The following PLCH1 variants were observed in gnomAD, a reference collection of about 807,000 sequenced individuals.
The protein encoded by PLCH1 is 1-phosphatidylinositol 4,5-bisphosphate phosphodiesterase eta-1.
Under a neutral mutation model 126.7 loss-of-function variants are expected in PLCH1, and 60 were observed. The observed-to-expected ratio is 0.47, with a 90% CI of 0.38 to 0.59. The LOEUF (loss-of-function observed/expected upper bound fraction) is 0.59. Ranked by LOEUF, PLCH1 falls within the 20% of genes least tolerant of loss-of-function variation. The probability of loss-of-function intolerance (pLI) is 0.00; values close to 1 mark genes in which losing one functional copy is unlikely to be tolerated. For missense variants in PLCH1, 1,723 were observed against 2,040.0 expected (o/e 0.84, Z 2.99); for synonymous variants, 719 against 734.9 (o/e 0.98, Z 0.35).
chr3:155,593,107 C>T (rs1434845173), intron 4 of PLCH1, among the ~76,000 whole-genome samples: 1 of 152,056 alleles, frequency 6.6e-6, no homozygotes, highest in African/African-American at 2.4e-5. Context: ...CTAATGACGG[C>T]AAGGGAGTAG....
At chr3:155,519,683 T>G (rs554512788) in intron 11 of PLCH1, among the ~76,000 whole-genome samples, 2 of 149,498 alleles carry the variant, frequency 1.3e-5, no homozygotes, top group East Asian at 4.0e-4. Flanking sequence ...ACCCAGACAC[T>G]GCGGTTTTTG....
In PLCH1 at chr3:155,637,320, C is replaced by T. The variant is rs560361965; in HGVS notation, c.80-40942G>A. Among the ~76,000 whole-genome samples, 9 of 152,344 alleles carry T rather than the reference C, an allele frequency of 5.9e-5. No individual in the cohort carries two copies. The East Asian group carries it at 1.5e-3, about 26-fold the overall frequency. On this transcript the variant is annotated intron_variant, in intron 2 of 22. Coordinates refer to ENST00000460012, the MANE Select transcript of PLCH1 (RefSeq NM_014996.4). ...GTGCCAGAAGAGGCTAAACCCTTAA[C>T]TTTGGCCAGCCCCTGGGCACAACAT...
At chr3:155,606,118 C>T (rs1214185038) in intron 2 of PLCH1, among the ~76,000 whole-genome samples, 3 of 152,098 alleles carry the variant, frequency 2.0e-5, no homozygotes, top group East Asian at 3.9e-4. Context: ...CAAAGCTATA[C>T]GTATATTCAA....
rs190182427 is a variant in PLCH1, at chr3:155,501,784, A to C, written c.1705-990T>G. ...TACTCCAGCCTGGACAACAAGAGCAAAACTCCATCTCTAAATAAATAAATA... is the reference window on the plus strand; with the variant it reads ...TACTCCAGCCTGGACAACAAGAGCACAACTCCATCTCTAAATAAATAAATA... On this transcript the variant is annotated intron_variant, in intron 13 of 22. Coordinates refer to ENST00000460012, the MANE Select transcript of PLCH1 (RefSeq NM_014996.4). Among the ~76,000 whole-genome samples, 250 of 152,258 alleles carry C rather than the reference A, an allele frequency of 1.6e-3. 1 individual carries two copies. Among genetic ancestry groups the C allele is most frequent in the African/African-American group, 5.4e-3 (223 of 41,556 alleles).
downstream of PLCH1, among the ~76,000 whole-genome samples, chr3:155,478,543 C>G (rs1225358137): frequency 6.6e-6 from 1 of 151,864 alleles, no homozygotes; most frequent in East Asian, 1.9e-4. Context: ...CTACTGTGTA[C>G]CCACACAAAT....
intron 2 of PLCH1, among the ~76,000 whole-genome samples, chr3:155,631,659 CAGAACA>C (rs377363710): frequency 1.3e-5 from 2 of 152,324 alleles, no homozygotes; most frequent in African/African-American, 4.8e-5. Flanking sequence ...TTTCCTCCCA[CAGAACA>C]AGAACAATTC....
intron 2 of PLCH1, among the ~76,000 whole-genome samples, chr3:155,617,080 T>C (rs3908144): frequency 0.49 from 73,748 of 151,896 alleles, 20,284 homozygotes; most frequent in African/African-American, 0.74. Context: ...AATATAGTTT[T>C]CAAAATTGTA....
At position 155,723,412 on chromosome 3, in the gene PLCH1, G is replaced by GTTTTT. The variant is rs368443260; in HGVS notation, c.-40-19149_-40-19148insAAAAA. ...TTTTTATTGTTTTTTGTTTTGTTTT[G>GTTTTT]TTCTGTTTCCATTTCATTTCCTTCT... On this transcript the variant is annotated intron_variant, in intron 1 of 22. Transcript: ENST00000460012. Among the ~76,000 whole-genome samples, 173 of 151,542 alleles carry GTTTTT rather than the reference G, an allele frequency of 1.1e-3. 2 individuals carry two copies. The highest frequency in any genetic ancestry group is 3.4e-3 in the Middle Eastern group (1 of 294).
chr3:155,733,039 C>T (rs2109184558), intron 1 of PLCH1, among the ~76,000 whole-genome samples: 2 of 151,920 alleles, frequency 1.3e-5, no homozygotes, highest in Non-Finnish European at 2.9e-5. Context: ...CTGAAAACCA[C>T]AAAACACTGA....
intron 21 of PLCH1, among the ~76,000 whole-genome samples, chr3:155,473,773 A>G (rs1370170847): frequency 1.3e-5 from 2 of 151,306 alleles, no homozygotes; most frequent in Admixed American, 6.6e-5. Flanking sequence ...ATAACACCAC[A>G]TATCTACAAC....
intron 2 of PLCH1, among the ~76,000 whole-genome samples, chr3:155,660,080 C>T (rs542192506): frequency 6.6e-6 from 1 of 152,256 alleles, no homozygotes; most frequent in East Asian, 1.9e-4. Context: ...AGTGGGGGAG[C>T]CAGATGTCTT....
At chr3:155,471,222 A>G (rs1393385016) in intron 21 of PLCH1, among the ~76,000 whole-genome samples, 2 of 152,200 alleles carry the variant, frequency 1.3e-5, no homozygotes, top group African/African-American at 4.8e-5. Flanking sequence ...AAATAAAAGG[A>G]TGGAGGAAGA....
chr3:155,594,276 A>G (rs1732617168), intron 3 of PLCH1, 92 bp from the exon 4 acceptor site: 1 of 1,232,416 alleles, frequency 8.1e-7, no homozygotes, highest in Non-Finnish European at 1.1e-6. Flanking sequence ...ATCATTTTAA[A>G]TATTAAAAAT....
At chr3:155,668,085 A>T (rs1267516506) in intron 2 of PLCH1, among the ~76,000 whole-genome samples, 2 of 114,892 alleles carry the variant, frequency 1.7e-5, no homozygotes, top group Non-Finnish European at 3.7e-5. Flanking sequence ...ACTCCATCTC[A>T]AAAAAAAAAA....
At chr3:155,572,440 G>C (rs1160141631) in intron 6 of PLCH1, among the ~76,000 whole-genome samples, 2 of 152,084 alleles carry the variant, frequency 1.3e-5, no homozygotes, top group Non-Finnish European at 1.5e-5. Context: ...GTTTAGTTTA[G>C]TTTTCTCTTT....
chr3:155,732,140 G>A (rs1748822551), intron 1 of PLCH1, among the ~76,000 whole-genome samples: 1 of 151,654 alleles, frequency 6.6e-6, no homozygotes, highest in Admixed American at 6.6e-5. Context: ...CAAACTTCAA[G>A]AAAATACATA....
At chr3:155,491,566 A>G (rs948935796) in intron 18 of PLCH1, among the ~76,000 whole-genome samples, 1 of 152,140 alleles carries the variant, frequency 6.6e-6, no homozygotes, top group Non-Finnish European at 1.5e-5. Context: ...CCTGGTCAGA[A>G]GTATGTGTTC....
chr3:155,494,288 T>C (rs1443790236), intron 16 of PLCH1, 40 bp from the exon 17 acceptor site: 6 of 1,610,492 alleles, frequency 3.7e-6, no homozygotes, highest in Non-Finnish European at 5.1e-6. Context: ...GGCAAGATGG[T>C]GGCATAGTGA....
At chr3:155,744,146 A>G (rs1749815028) in intron 1 of PLCH1, among the ~76,000 whole-genome samples, 1 of 152,176 alleles carries the variant, frequency 6.6e-6, no homozygotes, top group Non-Finnish European at 1.5e-5. Flanking sequence ...GACGCTCAAC[A>G]GGGAACTGGG....
Sources: allele counts gnomAD v4.1 joint callset (sites outside exome capture counted in the v4.1 genomes callset), GRCh38; gene constraint gnomAD v4.1.1; transcripts MANE v1.5; gene names NCBI Gene and HGNC (gene_info 2026-07-23, HGNC 2026-07-21).